Variants in PLD5 observed in about 807,000 individuals in gnomAD.
PLD5 encodes phospholipase D family member 5, also known as inactive phospholipase D5.
Under a neutral mutation model 61.1 loss-of-function variants are expected in PLD5, and 36 were observed. The observed-to-expected ratio is 0.59, with a 90% confidence interval of 0.45 to 0.78. The LOEUF (loss-of-function observed/expected upper bound fraction) is 0.78, where lower values mean the gene tolerates loss of function less well. Among genes scored for constraint, PLD5 ranks in the 30% least tolerant of loss-of-function variants. The pLI is 0.00. For missense variants in PLD5, 515 were observed against 644.4 expected, an observed-to-expected ratio of 0.80 and a Z score of 2.17; for synonymous variants, 243 against 242.8, an observed-to-expected ratio of 1.00 and a Z score of -0.01.
chr1:242,434,506 A>AG (rs1387128884), intron 1 of PLD5, among the ~76,000 whole-genome samples: 1 of 152,194 alleles, frequency 6.6e-6, no homozygotes, highest in Non-Finnish European at 1.5e-5. Flanking sequence ...GATGCTGGGG[A>AG]GGGGGATACC....
At chr1:242,107,140 A>C (rs1469643099) in intron 8 of PLD5, among the ~76,000 whole-genome samples, 1 of 152,098 alleles carries the variant, frequency 6.6e-6, no homozygotes, top group African/African-American at 2.4e-5. Flanking sequence ...TGTTGGTCAC[A>C]GTCTTAGAAA....
At chr1:242,247,744 T>C (rs559827446) in intron 4 of PLD5, among the ~76,000 whole-genome samples, 12 of 152,310 alleles carry the variant, frequency 7.9e-5, no homozygotes, top group East Asian at 1.9e-4. Context: ...TTACTTCTAG[T>C]TTACAGTGGC....
At chr1:242,497,554 C>T (rs930663161) in intron 1 of PLD5, among the ~76,000 whole-genome samples, 1 of 152,152 alleles carries the variant, frequency 6.6e-6, no homozygotes, top group African/African-American at 2.4e-5. Context: ...TTGGAACAGG[C>T]CTGGGTTTGA....
intron 1 of PLD5, among the ~76,000 whole-genome samples, chr1:242,497,802 T>C (rs1324500933): frequency 6.6e-6 from 1 of 152,240 alleles, no homozygotes; most frequent in Non-Finnish European, 1.5e-5. Flanking sequence ...CCTCACATAT[T>C]ATGAGTCAGG....
At chr1:242,150,494 T>G (rs965367025) in intron 5 of PLD5, among the ~76,000 whole-genome samples, 1 of 151,898 alleles carries the variant, frequency 6.6e-6, no homozygotes, top group African/African-American at 2.4e-5. Flanking sequence ...TCTTTTTAGA[T>G]GCATATACAT....
At chr1:242,109,250 G>A (rs563321624) in intron 7 of PLD5, among the ~76,000 whole-genome samples, 56 of 152,356 alleles carry the variant, frequency 3.7e-4, no homozygotes, top group Non-Finnish European at 7.2e-4. Context: ...AGGCCAAGGC[G>A]GTGGATCACT....
intron 7 of PLD5, among the ~76,000 whole-genome samples, chr1:242,109,846 T>G (rs1461765407): frequency 6.6e-6 from 1 of 151,984 alleles, no homozygotes; most frequent in Non-Finnish European, 1.5e-5. Context: ...TATTCTGCAC[T>G]CAGGAGGCTG....
At chr1:242,270,244 T>C (rs1431280880) in intron 3 of PLD5, among the ~76,000 whole-genome samples, 1 of 150,502 alleles carries the variant, frequency 6.6e-6, no homozygotes, top group Non-Finnish European at 1.5e-5. Flanking sequence ...AGAACACAGA[T>C]GGAAAAACCA....
At chr1:242,462,985 A>C (rs1430706833) in intron 1 of PLD5, among the ~76,000 whole-genome samples, 1 of 152,156 alleles carries the variant, frequency 6.6e-6, no homozygotes. Context: ...TCATTTCCTT[A>C]AACCATCACT....
chr1:242,406,858 G>C (rs1444322567), intron 1 of PLD5, among the ~76,000 whole-genome samples: 7 of 152,210 alleles, frequency 4.6e-5, no homozygotes, highest in African/African-American at 1.7e-4. Context: ...TTAGCCATTA[G>C]TAGACTATAA....
At chr1:242,398,338 G>A (rs934573078) in intron 1 of PLD5, among the ~76,000 whole-genome samples, 16 of 152,256 alleles carry the variant, frequency 1.1e-4, no homozygotes, top group Admixed American at 7.2e-4. Flanking sequence ...GAATCGTCTC[G>A]CTGTTCAATC....
chr1:242,460,112 A>G (rs113608709), intron 1 of PLD5, among the ~76,000 whole-genome samples: 4,505 of 152,270 alleles, frequency 0.03, 248 homozygotes, highest in African/African-American at 0.1. Context: ...AATTACTGAC[A>G]CACACACTAT....
intron 2 of PLD5, among the ~76,000 whole-genome samples, chr1:242,326,706 G>T (rs12757244): frequency 0.01 from 1,569 of 151,734 alleles, 16 homozygotes; most frequent in African/African-American, 0.022. Context: ...AAGTTTTTTT[G>T]TGTGTGTGTT....
intron 9 of PLD5, among the ~76,000 whole-genome samples, chr1:242,097,674 A>C (rs1202005488): frequency 6.6e-6 from 1 of 151,990 alleles, no homozygotes; most frequent in Non-Finnish European, 1.5e-5. Context: ...AGATTGCAAA[A>C]ATTTTCTCCC....
At chr1:242,362,869 A>AC (rs1245648819) in intron 1 of PLD5, among the ~76,000 whole-genome samples, 3 of 152,000 alleles carry the variant, frequency 2.0e-5, no homozygotes, top group African/African-American at 4.8e-5. Context: ...CATATTGGTA[A>AC]CCTGCAAATG....
chr1:242,306,786 CA>C (rs1352995838), intron 2 of PLD5, among the ~76,000 whole-genome samples: 43 of 53,102 alleles, frequency 8.1e-4, no homozygotes, highest in African/African-American at 2.8e-3. Flanking sequence ...CACACACACA[CA>C]CACACCCCAC....
intron 5 of PLD5, among the ~76,000 whole-genome samples, chr1:242,218,050 C>T (rs1478650247): frequency 1.3e-5 from 2 of 152,182 alleles, no homozygotes; most frequent in Non-Finnish European, 2.9e-5. Flanking sequence ...TTAAACAGCA[C>T]CACATGCTAC....
At position 242,439,541 on chromosome 1, in the gene PLD5, A is replaced by G. The variant is rs567094830; in HGVS notation, c.189+84547T>C. Among the ~76,000 whole-genome samples the G allele has an allele frequency of 5.3e-4, 80 of 152,318 alleles. 1 individual carries two copies. The highest frequency in any genetic ancestry group is 6.8e-3 in the Middle Eastern group (2 of 294). On this transcript the variant is annotated intron_variant, in intron 1 of 9. Transcript: ENST00000536534. ...GAGAAGGGCATAGAATCTGGTGAGC[A>G]GCTAGCGGTCCATAAATATCTACTG...
At chr1:242,123,503 C>T (rs1189718398) in intron 6 of PLD5, among the ~76,000 whole-genome samples, 1 of 152,082 alleles carries the variant, frequency 6.6e-6, no homozygotes, top group Non-Finnish European at 1.5e-5. Context: ...CTCGCTTACA[C>T]TGGGACCACT....
Sources: allele counts gnomAD v4.1 joint callset (sites outside exome capture counted in the v4.1 genomes callset), GRCh38; gene constraint gnomAD v4.1.1; transcripts MANE v1.5; gene names NCBI Gene and HGNC (gene_info 2026-07-23, HGNC 2026-07-21).